Variants in BRMS1L observed in about 807,000 individuals in gnomAD.
The protein encoded by BRMS1L is BRMS1 like transcriptional repressor.
BRMS1L carries 23 observed loss-of-function variants against 50.3 expected under a neutral mutation model. That is an observed-to-expected ratio of 0.46 (90% CI 0.33 to 0.65). The LOEUF is 0.65. Among genes scored for constraint, BRMS1L ranks in the 30% least tolerant of loss-of-function variants. The pLI is 0.02. For synonymous variants in BRMS1L, 114 were observed against 126.9 expected (o/e 0.90, Z 0.69); for missense variants, 286 against 386.1 (o/e 0.74, Z 2.17).
At chr14:35,852,011 C>A (rs1566423669) in intron 4 of BRMS1L, among the ~76,000 whole-genome samples, 1 of 152,132 alleles carries the variant, frequency 6.6e-6, no homozygotes, top group Non-Finnish European at 1.5e-5. Flanking sequence ...CAGTACTATA[C>A]TGTTTTGATT....
chr14:35,838,708 T>A (rs1407959281), intron 4 of BRMS1L, among the ~76,000 whole-genome samples: 152 of 152,304 alleles, frequency 1.0e-3, no homozygotes, highest in African/African-American at 3.4e-3. Context: ...TTTGCCCACT[T>A]TTTGATGGGG....
chr14:35,867,817 A>G, intron 8 of BRMS1L, 89 bp from the exon 9 acceptor site: 1 of 1,289,432 alleles, frequency 7.8e-7, no homozygotes, highest in Non-Finnish European at 1.0e-6. Flanking sequence ...TTACATATGC[A>G]TGGATTGATG....
In BRMS1L at chr14:35,852,990, G is replaced by GTATCTATCTATC. The variant is rs72342569; in HGVS notation, c.442-9584_442-9573dup. On this transcript the variant is annotated intron_variant, in intron 4 of 9. Transcript: ENST00000216807. ...TTCTATCAGTCTTTGCTTTATATCT[G>GTATCTATCTATC]TATCTATCTATCTATCTATCTATCT... is the stretch of plus-strand genomic sequence containing the variant. Among the ~76,000 whole-genome samples the GTATCTATCTATC allele has an allele frequency of 4.9e-3, 730 of 148,838 alleles. 6 individuals are homozygous for GTATCTATCTATC. The highest frequency in any genetic ancestry group is 0.016 in the African/African-American group (654 of 39,826).
chr14:35,826,366 A>C lies in BRMS1L; in HGVS notation c.-151A>C, dbSNP rs1010075683. The C allele has an allele frequency of 4.1e-5, 44 of 1,074,242 alleles. No homozygotes were observed. Among genetic ancestry groups the C allele is most frequent in the Non-Finnish European group, 5.2e-5 (39 of 752,894 alleles). The allele number at this position is 1,074,242 out of a possible 1,614,324, so 66.5% of individuals were successfully genotyped here. On this transcript the variant is annotated 5_prime_UTR_variant, in exon 1 of 10. Transcript: ENST00000216807. ...GCTCCCATCGCAGAGCCTGCGGGTTAGGTTGTGAGGCCCGGGCCGGGGGCG... is the reference window on the plus strand; with the variant it reads ...GCTCCCATCGCAGAGCCTGCGGGTTCGGTTGTGAGGCCCGGGCCGGGGGCG...
At chr14:35,866,012 T>C (rs191060615) in intron 8 of BRMS1L, 9 of 414,682 alleles carry the variant, frequency 2.2e-5, no homozygotes, top group African/African-American at 1.2e-4. Context: ...CTCAAAAAAG[T>C]ATTTATGCAG....
intron 6 of BRMS1L, 36 bp downstream of exon 6, chr14:35,863,989 G>C: frequency 1.9e-6 from 3 of 1,555,266 alleles, no homozygotes; most frequent in Non-Finnish European, 1.8e-6. Flanking sequence ...TTTTTTCCTT[G>C]ATGTGCGTTT....
intron 4 of BRMS1L, among the ~76,000 whole-genome samples, chr14:35,856,022 T>C (rs1321992281): frequency 6.6e-6 from 1 of 152,202 alleles, no homozygotes; most frequent in African/African-American, 2.4e-5. Context: ...GGGCTTTTTA[T>C]CTGCTTATTC....
intron 4 of BRMS1L, among the ~76,000 whole-genome samples, chr14:35,851,383 C>CAAAAAAAAAA (rs35957897): frequency 1.2e-5 from 1 of 83,962 alleles, no homozygotes. Flanking sequence ...AAAAGCATGC[C>CAAAAAAAAAA]AAAAAAAAAA....
intron 4 of BRMS1L, among the ~76,000 whole-genome samples, chr14:35,836,842 T>C (rs569764216): frequency 1.3e-5 from 2 of 151,306 alleles, no homozygotes; most frequent in South Asian, 4.2e-4. Flanking sequence ...TGATGGCCAT[T>C]TTCACGATAT....
In BRMS1L at chr14:35,826,437, G is replaced by C. The variant is rs1039985972; in HGVS notation, c.-80G>C. 9.1e-6 allele frequency: 14 copies of C among 1,540,918 alleles called. No homozygotes were observed. Among genetic ancestry groups the C allele is most frequent in the Non-Finnish European group, 1.2e-5 (14 of 1,143,770 alleles). On this transcript the variant is annotated 5_prime_UTR_variant, in exon 1 of 10. Coordinates refer to ENST00000216807, the MANE Select transcript of BRMS1L (RefSeq NM_032352.4). ...GCAAGCTCGGTGGCTGGGTGGGTTG[G>C]GGCGTTCCGCGCGCCCTTCATTGAA...
At position 35,848,346 on chromosome 14, in the gene BRMS1L, GTT is replaced by G. The variant is rs550810170; in HGVS notation, c.441+13430_441+13431del. Among the ~76,000 whole-genome samples, 69 of 151,836 alleles carry G rather than the reference GTT, an allele frequency of 4.5e-4. 1 individual carries two copies. In the South Asian group the frequency reaches 0.014, roughly 32 times the overall value. On this transcript the variant is annotated intron_variant, in intron 4 of 9. Transcript: ENST00000216807. ...ATACAATACATTATTATTATTATTA[GTT>G]TTTTTTATTTTTAGAGATGGGAGTC...
At chr14:35,829,530 C>G (rs1228662763) in intron 1 of BRMS1L, among the ~76,000 whole-genome samples, 1 of 152,186 alleles carries the variant, frequency 6.6e-6, no homozygotes, top group Admixed American at 6.5e-5. Context: ...CATCTCTGTT[C>G]TACCATATGT....
chr14:35,827,799 G>A (rs1438190736), intron 1 of BRMS1L, among the ~76,000 whole-genome samples: 1 of 152,156 alleles, frequency 6.6e-6, no homozygotes, highest in East Asian at 1.9e-4. Flanking sequence ...AATATTGGGT[G>A]GTCACAAAGC....
intron 4 of BRMS1L, among the ~76,000 whole-genome samples, chr14:35,860,403 G>A (rs2078333845): frequency 6.6e-6 from 1 of 152,108 alleles, no homozygotes; most frequent in Non-Finnish European, 1.5e-5. Flanking sequence ...CTCCCAAAGT[G>A]CTAGGATTAC....
chr14:35,865,704 T>C lies in BRMS1L; in HGVS notation c.688-18T>C. ...ACTCAGACTTCTTTCTTCCTCTTTT[T>C]TTTTTTTTTTAATTAAGGCAATGGC... On this transcript the variant is annotated intron_variant, in intron 7 of 9. Transcript: ENST00000216807. 2 of 1,565,866 alleles carry C rather than the reference T, an allele frequency of 1.3e-6. No individual in the cohort carries two copies. The highest frequency in any genetic ancestry group is 8.6e-7 in the Non-Finnish European group (1 of 1,164,478).
At chr14:35,835,016 A>G in intron 4 of BRMS1L, 93 bp downstream of exon 4, 1 of 736,468 alleles carries the variant, frequency 1.4e-6, no homozygotes, top group South Asian at 3.7e-5. Context: ...GTAAAACAAT[A>G]TTAAATAGTA....
At chr14:35,865,060 T>G in intron 7 of BRMS1L, 61 bp downstream of exon 7, 1 of 1,239,812 alleles carries the variant, frequency 8.1e-7, no homozygotes, top group Non-Finnish European at 1.1e-6. Context: ...TAAGATTCTA[T>G]GTTTTTTTTG....
intron 2 of BRMS1L, among the ~76,000 whole-genome samples, chr14:35,832,279 T>TG (rs1234126126): frequency 6.8e-6 from 1 of 147,468 alleles, no homozygotes; most frequent in African/African-American, 2.5e-5. Flanking sequence ...CTGAGGCGGG[T>TG]GGATCACGTG....
At chr14:35,837,275 A>G (rs1176817464) in intron 4 of BRMS1L, among the ~76,000 whole-genome samples, 1 of 152,046 alleles carries the variant, frequency 6.6e-6, no homozygotes, top group Admixed American at 6.6e-5. Context: ...AAGAAAAAGT[A>G]TGGTTCTAAT....
Sources: allele counts gnomAD v4.1 joint callset (sites outside exome capture counted in the v4.1 genomes callset), GRCh38; gene constraint gnomAD v4.1.1; transcripts MANE v1.5; gene names NCBI Gene and HGNC (gene_info 2026-07-23, HGNC 2026-07-21).